Variants in SUGCT observed in about 807,000 individuals in gnomAD.
SUGCT encodes the protein succinyl-CoA:glutarate-CoA transferase.
SUGCT carries 41 observed loss-of-function variants against 55.0 expected under a neutral mutation model. The observed-to-expected ratio is 0.74, with a 90% confidence interval of 0.58 to 0.97. The LOEUF is 0.97. SUGCT is among the 50% of genes least tolerant of loss of function. SUGCT has a pLI of 0.00. For missense variants in SUGCT, 568 were observed against 547.8 expected, an observed-to-expected ratio of 1.04 and a Z score of -0.37; for synonymous variants, 187 against 200.4, an observed-to-expected ratio of 0.93 and a Z score of 0.56.
chr7:41,020,152 T>C, the SUGCT span, among the ~76,000 whole-genome samples: 1 of 152,234 alleles, frequency 6.6e-6, no homozygotes, highest in Non-Finnish European at 1.5e-5. Context: ...TGCTATGTTA[T>C]GGTTTTACCA....
intron 1 of SUGCT, among the ~76,000 whole-genome samples, chr7:40,164,689 A>T (rs1168044334): frequency 1.3e-5 from 2 of 152,150 alleles, no homozygotes; most frequent in African/African-American, 4.8e-5. Flanking sequence ...TCTCGATGTG[A>T]TTCTTTTGTG....
the SUGCT span, among the ~76,000 whole-genome samples, chr7:40,986,898 C>T: frequency 6.6e-6 from 1 of 152,188 alleles, no homozygotes; most frequent in Non-Finnish European, 1.5e-5. Flanking sequence ...AAAACCTCAC[C>T]TCCTCCAGAA....
chr7:40,379,873 C>T lies in SUGCT; in HGVS notation c.816+63018C>T, dbSNP rs923424103. Among the ~76,000 whole-genome samples, 6 of 152,312 alleles carry T rather than the reference C, an allele frequency of 3.9e-5. No homozygotes were observed. In the South Asian group the frequency reaches 1.2e-3, roughly 32 times the overall value. The stretch of plus-strand genomic sequence containing the variant: ...TGTGTTCATGGGTCTCATAGGTTAA[C>T]AGGAATATGGTGGTAGCTTCTCAAA... On this transcript the variant is annotated intron_variant, in intron 9 of 13. Coordinates refer to ENST00000335693, the MANE Select transcript of SUGCT (RefSeq NM_001193313.2).
At chr7:40,507,731 G>A (rs187922143) in intron 12 of SUGCT, among the ~76,000 whole-genome samples, 48 of 152,238 alleles carry the variant, frequency 3.2e-4, no homozygotes, top group Non-Finnish European at 5.6e-4. Flanking sequence ...AGGCTACTGC[G>A]TTTTGGGTGG....
chr7:40,310,239 A>G (rs1472704438), intron 8 of SUGCT, among the ~76,000 whole-genome samples: 1 of 152,236 alleles, frequency 6.6e-6, no homozygotes, highest in Non-Finnish European at 1.5e-5. Flanking sequence ...TTAAAACCTC[A>G]TAACTCCAGT....
At chr7:40,428,979 CT>C (rs1291881262) in intron 9 of SUGCT, among the ~76,000 whole-genome samples, 1 of 152,088 alleles carries the variant, frequency 6.6e-6, no homozygotes, top group African/African-American at 2.4e-5. Flanking sequence ...GTTCTTATTT[CT>C]CCTCCTTTTT....
At chr7:40,784,314 A>G (rs1789909943) in intron 13 of SUGCT, among the ~76,000 whole-genome samples, 1 of 152,164 alleles carries the variant, frequency 6.6e-6, no homozygotes, top group East Asian at 1.9e-4. Context: ...TTAAGCTCCT[A>G]TGATGGTGTC....
At chr7:40,963,705 G>C in the SUGCT span, among the ~76,000 whole-genome samples, 1 of 151,928 alleles carries the variant, frequency 6.6e-6, no homozygotes, top group African/African-American at 2.4e-5. Context: ...GATTCATTCT[G>C]CTTATATACA....
the SUGCT span, among the ~76,000 whole-genome samples, chr7:40,956,297 A>C: frequency 6.6e-6 from 1 of 152,062 alleles, no homozygotes; most frequent in African/African-American, 2.4e-5. Context: ...TAGTGCCTCA[A>C]TTTCAGAACT....
chr7:40,427,428 A>G (rs1483864469), intron 9 of SUGCT, among the ~76,000 whole-genome samples: 2 of 152,124 alleles, frequency 1.3e-5, no homozygotes, highest in African/African-American at 4.8e-5. Context: ...AGTCAATGTC[A>G]TTTCCCCCTT....
intron 9 of SUGCT, among the ~76,000 whole-genome samples, chr7:40,347,818 G>GA (rs1797401910): frequency 6.6e-6 from 1 of 152,144 alleles, no homozygotes; most frequent in Non-Finnish European, 1.5e-5. Context: ...AACACCTCTT[G>GA]AAAATCTGTT....
At chr7:40,654,049 G>A (rs948574686) in intron 12 of SUGCT, among the ~76,000 whole-genome samples, 1 of 151,722 alleles carries the variant, frequency 6.6e-6, no homozygotes, top group Non-Finnish European at 1.5e-5. Context: ...AAGAAGTCAA[G>A]AGAATTAGTT....
chr7:40,607,199 G>A (rs1798572214), intron 12 of SUGCT, among the ~76,000 whole-genome samples: 2 of 151,830 alleles, frequency 1.3e-5, no homozygotes, highest in South Asian at 4.2e-4. Flanking sequence ...CAACCTCTGG[G>A]CTCAAGTTAT....
At chr7:40,327,781 A>G (rs1295808716) in intron 9 of SUGCT, among the ~76,000 whole-genome samples, 1 of 152,250 alleles carries the variant, frequency 6.6e-6, no homozygotes, top group Non-Finnish European at 1.5e-5. Context: ...ATATTCAGTC[A>G]TTAGTTCTAG....
At chr7:40,653,995 T>C (rs970467663) in intron 12 of SUGCT, among the ~76,000 whole-genome samples, 4 of 148,666 alleles carry the variant, frequency 2.7e-5, no homozygotes, top group Non-Finnish European at 6.0e-5. Context: ...ACAACAACAA[T>C]TAAAAAAAAA....
At chr7:40,281,786 A>T (rs1245595198) in intron 8 of SUGCT, among the ~76,000 whole-genome samples, 1 of 152,044 alleles carries the variant, frequency 6.6e-6, no homozygotes, top group Middle Eastern at 3.2e-3. Flanking sequence ...AAATAAATAC[A>T]CACAGTTACA....
At chr7:41,009,767 T>G in the SUGCT span, among the ~76,000 whole-genome samples, 1 of 152,208 alleles carries the variant, frequency 6.6e-6, no homozygotes, top group Non-Finnish European at 1.5e-5. Context: ...AAAGCTATAG[T>G]ACAATGTTTT....
intron 9 of SUGCT, among the ~76,000 whole-genome samples, chr7:40,388,708 G>A (rs1236299075): frequency 6.6e-6 from 1 of 152,094 alleles, no homozygotes; most frequent in African/African-American, 2.4e-5. Context: ...GAGCCACTGC[G>A]CCCGGGCAGA....
downstream of SUGCT, among the ~76,000 whole-genome samples, chr7:40,863,037 G>A (rs963607520): frequency 4.6e-5 from 7 of 152,050 alleles, no homozygotes; most frequent in Non-Finnish European, 8.8e-5. Context: ...TCAGCAATTT[G>A]AGACCAGCCT....
Sources: allele counts gnomAD v4.1 joint callset (sites outside exome capture counted in the v4.1 genomes callset), GRCh38; gene constraint gnomAD v4.1.1; transcripts MANE v1.5; gene names NCBI Gene and HGNC (gene_info 2026-07-23, HGNC 2026-07-21).